The following SLC35A5 variants were observed in gnomAD, a reference collection of about 807,000 sequenced individuals.
SLC35A5 encodes UDP-sugar transporter protein SLC35A5.
SLC35A5 carries 28 observed loss-of-function variants against 36.3 expected under a neutral mutation model. That is an observed-to-expected ratio of 0.77 (90% CI 0.57 to 1.06). SLC35A5 has a LOEUF of 1.06. Ranked by LOEUF, SLC35A5 falls within the 50% of genes least tolerant of loss-of-function variation. The probability of loss-of-function intolerance (pLI) is 0.00; values close to 1 mark genes in which losing one functional copy is unlikely to be tolerated. For synonymous variants in SLC35A5, 180 were observed against 173.7 expected, an observed-to-expected ratio of 1.04 and a Z score of -0.29; for missense variants, 521 against 499.3, an observed-to-expected ratio of 1.04 and a Z score of -0.41.
At position 112,585,529 on chromosome 3, in the gene SLC35A5, A is replaced by G; in HGVS notation, c.*2793A>G. On this transcript the variant is annotated 3_prime_UTR_variant, in exon 7 of 7. Transcript: ENST00000492406. ...GTACCATATATACGCAATGTAACAAACCTGTACATGTACCCCTTCAATCTG... is the reference window on the plus strand; with the variant it reads ...GTACCATATATACGCAATGTAACAAGCCTGTACATGTACCCCTTCAATCTG... 6.6e-6 allele frequency: 1 copy of G among 150,970 alleles called. No homozygotes were observed. 9.4% of individuals were successfully genotyped at this position (150,970 alleles called of 1,614,324 possible).
At chr3:112,576,035 C>T (rs1934654423) in intron 5 of SLC35A5, among the ~76,000 whole-genome samples, 1 of 152,064 alleles carries the variant, frequency 6.6e-6, no homozygotes, top group African/African-American at 2.4e-5. Context: ...GCTGGGATTA[C>T]AGGTGTGAGC....
Position 112,574,792 on chromosome 3 carries a change from T to C in SLC35A5, c.428+836T>C, listed in dbSNP as rs186764502. Among the ~76,000 whole-genome samples, 3 of 152,214 alleles carry C rather than the reference T, an allele frequency of 2.0e-5. No homozygotes were observed. In the East Asian group the frequency reaches 5.8e-4, roughly 29 times the overall value. ...GGCTTGGTACAAAGATTTAATTTGT[T>C]GAGTCCATGATATACTTAATATATA... On this transcript the variant is annotated intron_variant, in intron 5 of 6. Coordinates refer to ENST00000492406, the MANE Select transcript of SLC35A5 (RefSeq NM_017945.5).
At chr3:112,573,820 G>T in intron 4 of SLC35A5, 69 bp from the exon 5 acceptor site, 1 of 1,327,180 alleles carries the variant, frequency 7.5e-7, no homozygotes, top group Non-Finnish European at 1.1e-6. Flanking sequence ...CAGGTGAACT[G>T]CCAAGCTAAG....
rs775393317 is a variant in SLC35A5 at position 112,570,557 on chromosome 3, T to A, written c.247T>A (p.Leu83Met). Residue 83 changes from leucine to methionine, a missense_variant, in exon 4 of 7, where the codon TTG (leucine) becomes ATG (methionine). Leu to Met is a conservative substitution (Grantham distance 15). Transcript: ENST00000492406. ...TTTCTAAGATCATCAAAGTAGAAAT[T>A]TGAAATATGCTTCCTGGAAGGAATT... ...VIKKDHQSRN[L>M]KYASWKEFSD... The A allele has an allele frequency of 6.2e-7, 1 of 1,606,510 alleles. No homozygotes were observed. The highest frequency in any genetic ancestry group is 1.3e-5 in the African/African-American group (1 of 74,404).
chr3:112,575,333 A>G (rs927568547), intron 5 of SLC35A5, among the ~76,000 whole-genome samples: 9 of 152,138 alleles, frequency 5.9e-5, no homozygotes, highest in Non-Finnish European at 1.3e-4. Flanking sequence ...AATTACATCA[A>G]TTTCAAACTG....
intron 5 of SLC35A5, among the ~76,000 whole-genome samples, chr3:112,577,359 T>C (rs1013421534): frequency 6.6e-6 from 1 of 152,108 alleles, no homozygotes; most frequent in African/African-American, 2.4e-5. Flanking sequence ...CTTTGAAGTA[T>C]AAGCCACAAT....
intron 3 of SLC35A5, 100 bp from the exon 4 acceptor site, chr3:112,570,440 G>C: frequency 2.3e-5 from 31 of 1,328,398 alleles, no homozygotes; most frequent in Non-Finnish European, 3.1e-5. Flanking sequence ...CGTTTATAAA[G>C]CTCCCTTTAA....
intron 6 of SLC35A5, among the ~76,000 whole-genome samples, chr3:112,582,157 A>G (rs985452860): frequency 3.3e-5 from 5 of 152,194 alleles, no homozygotes; most frequent in Non-Finnish European, 7.3e-5. Context: ...TTTGGGAAAA[A>G]TAATCTATTG....
intron 3 of SLC35A5, among the ~76,000 whole-genome samples, chr3:112,570,084 G>C (rs1934372700): frequency 6.6e-6 from 1 of 152,188 alleles, no homozygotes; most frequent in African/African-American, 2.4e-5. Context: ...GAAACCTAGA[G>C]ATGGAATAAT....
At chr3:112,567,012 G>A (rs1331925377) in intron 2 of SLC35A5, among the ~76,000 whole-genome samples, 1 of 152,024 alleles carries the variant, frequency 6.6e-6, no homozygotes, top group African/African-American at 2.4e-5. Flanking sequence ...GGATCACGAG[G>A]TCAGGAGATC....
chr3:112,561,496 C>CT, upstream of SLC35A5: 1 of 1,612,130 alleles, frequency 6.2e-7, no homozygotes, highest in Non-Finnish European at 8.5e-7. Flanking sequence ...CTTCCAGTGC[C>CT]TTTCCCTTCA....
chr3:112,567,082 C>G (rs1003478668), intron 2 of SLC35A5, among the ~76,000 whole-genome samples: 2 of 151,752 alleles, frequency 1.3e-5, no homozygotes, highest in African/African-American at 4.8e-5. Flanking sequence ...AAAAATTAGC[C>G]GGGCGTGGTG....
chr3:112,561,382 G>C, upstream of SLC35A5: 3 of 1,482,712 alleles, frequency 2.0e-6, no homozygotes, highest in Non-Finnish European at 2.8e-6. Flanking sequence ...GAGAAAGCGG[G>C]GACTCCTGCG....
chr3:112,572,459 C>G (rs1934490693), intron 4 of SLC35A5, among the ~76,000 whole-genome samples: 2 of 152,140 alleles, frequency 1.3e-5, no homozygotes, highest in African/African-American at 4.8e-5. Flanking sequence ...CTAAATTCTT[C>G]CATTTTTGAG....
At chr3:112,570,111 A>G (rs1243344951) in intron 3 of SLC35A5, among the ~76,000 whole-genome samples, 2 of 152,218 alleles carry the variant, frequency 1.3e-5, no homozygotes, top group Admixed American at 1.3e-4. Context: ...CAGGATTACT[A>G]AAAGTTAACT....
At chr3:112,573,537 C>T (rs1424738404) in intron 4 of SLC35A5, among the ~76,000 whole-genome samples, 1 of 152,142 alleles carries the variant, frequency 6.6e-6, no homozygotes, top group Non-Finnish European at 1.5e-5. Flanking sequence ...TTCTATGTGA[C>T]CGTAGAAACA....
chr3:112,566,874 G>A (rs1239939063), intron 2 of SLC35A5, among the ~76,000 whole-genome samples: 1 of 152,166 alleles, frequency 6.6e-6, no homozygotes, highest in Non-Finnish European at 1.5e-5. Flanking sequence ...TTTTTCAGAT[G>A]CGAGAGTTTT....
At chr3:112,567,970 A>G (rs987237015) in intron 2 of SLC35A5, among the ~76,000 whole-genome samples, 1 of 152,150 alleles carries the variant, frequency 6.6e-6, no homozygotes, top group Admixed American at 6.5e-5. Context: ...GAAAAAGGAG[A>G]TGTTTTGACT....
chr3:112,570,798 T>C, intron 4 of SLC35A5, 128 bp downstream of exon 4: 2 of 861,568 alleles, frequency 2.3e-6, no homozygotes, highest in Non-Finnish European at 3.4e-6. Flanking sequence ...TTCCTGAGAT[T>C]TCCCCAGAAT....
Sources: gnomAD v4.1 joint callset for allele counts (sites outside exome capture counted in the v4.1 genomes callset) on GRCh38, gnomAD v4.1.1 for gene constraint, MANE v1.5 for transcripts, NCBI Gene and HGNC (gene_info 2026-07-23, HGNC 2026-07-21) for gene names.